The following ULK1 variants were observed in gnomAD, a reference collection of about 807,000 sequenced individuals.
ULK1 encodes serine/threonine-protein kinase ULK1.
Under a neutral mutation model 117.5 loss-of-function variants are expected in ULK1, and 48 were observed. That is an observed-to-expected ratio of 0.41 (90% CI 0.32 to 0.52). The LOEUF is 0.52. Ranked by LOEUF, ULK1 falls within the 20% of genes least tolerant of loss-of-function variation. ULK1 has a pLI of 0.29. For synonymous variants in ULK1, 790 were observed against 637.8 expected (o/e 1.24, Z -3.60); for missense variants, 1,387 against 1,473.4 (o/e 0.94, Z 0.96).
chr12:131,911,832 C>T, intron 12 of ULK1, 110 bp from the exon 13 acceptor site: 2 of 1,490,138 alleles, frequency 1.3e-6, no homozygotes, highest in Non-Finnish European at 1.8e-6. Context: ...TTCTCAGCCC[C>T]AGCGCCCCGA....
Position 131,919,575 on chromosome 12 carries a change from T to A in ULK1, c.2788T>A (p.Ser930Thr). Residue 930 changes from serine to threonine, a missense_variant, in exon 25 of 28, where the codon TCC becomes ACC. By Grantham distance (58) the Ser-to-Thr change is moderately conservative (BLOSUM62 1). Coordinates refer to ENST00000321867, the MANE Select transcript of ULK1 (RefSeq NM_003565.4). ...CCGGGCCGGCAAGCTCTGCCTGTCGTCCACTGTGAAGCAGGGTGAGGGCTG... is the reference window on the plus strand; with the variant it reads ...CCGGGCCGGCAAGCTCTGCCTGTCGACCACTGTGAAGCAGGGTGAGGGCTG... ...QIRAGKLCLS[S>T]TVKQVVRRLN... The A allele has an allele frequency of 6.2e-7, 1 of 1,611,932 alleles. No individual in the cohort carries two copies. The highest frequency in any genetic ancestry group is 8.5e-7 in the Non-Finnish European group (1 of 1,179,600).
intron 20 of ULK1, 135 bp downstream of exon 20, chr12:131,916,726 G>C: frequency 1.6e-6 from 2 of 1,240,606 alleles, no homozygotes. Flanking sequence ...CAGTGTGGCT[G>C]GGTGCCAGAG....
chr12:131,917,880 G>A (rs1344979171), intron 22 of ULK1, among the ~76,000 whole-genome samples: 7 of 152,232 alleles, frequency 4.6e-5, no homozygotes, highest in African/African-American at 7.2e-5. Flanking sequence ...GGGCTGTGCT[G>A]TGTTGGTCAG....
rs1337734777 is a variant in ULK1 at position 131,922,807 on chromosome 12, G to A, written c.*1446G>A. On this transcript the variant is annotated 3_prime_UTR_variant, in exon 28 of 28. Transcript: ENST00000321867. ...AATATTGCCACTGTGCTTGGACTTA[G>A]AAGAAGAAAATCCCCGTGACTTCTT... is the stretch of plus-strand genomic sequence containing the variant. The A allele has an allele frequency of 6.6e-6, 1 of 152,518 alleles. No individual in the cohort carries two copies. Among genetic ancestry groups the A allele is most frequent in the African/African-American group, 2.4e-5 (1 of 41,472 alleles). 9.4% of individuals were successfully genotyped at this position (152,518 alleles called of 1,614,324 possible).
At chr12:131,895,848 G>T (rs779067286) in intron 3 of ULK1, 24 bp downstream of exon 3, 1 of 1,613,712 alleles carries the variant, frequency 6.2e-7, no homozygotes, top group Admixed American at 1.7e-5. Context: ...GCTGCGGTCT[G>T]CTGGGGACCG....
chr12:131,915,123 G>C lies in ULK1; in HGVS notation c.1414G>C (p.Gly472Arg), dbSNP rs1165839456. The C allele has an allele frequency of 6.3e-7, 1 of 1,592,486 alleles. No individual in the cohort carries two copies. The highest frequency in any genetic ancestry group is 1.1e-5 in the South Asian group (1 of 88,320). ...IRRSGSTSPL[G>R]FARASPSPPA... ...CAGGTCAGGCAGCACCAGCCCCCTG[G>C]GCTTTGCAAGGGCCAGCCCCTCGCC... is the stretch of plus-strand genomic sequence containing the variant. The change falls in exon 17 of 28, where the codon GGC becomes CGC. Residue 472 changes from glycine to arginine, a missense_variant. This residue lies in a region of ULK1 where 900 missense variants were observed against 858.9 expected (regional missense o/e 1.05). Transcript: ENST00000321867.
chr12:131,918,778 CGGGTGTG>C (rs1889987927), intron 23 of ULK1, 97 bp downstream of exon 23: 1 of 260,730 alleles, frequency 3.8e-6, no homozygotes, highest in African/African-American at 6.5e-5. Context: ...TGTGGGGTGT[CGGGTGTG>C]GGGTGTCGGG....
At chr12:131,908,287 G>T (rs1203806805) in intron 5 of ULK1, among the ~76,000 whole-genome samples, 1 of 152,180 alleles carries the variant, frequency 6.6e-6, no homozygotes, top group African/African-American at 2.4e-5. Flanking sequence ...CTGCGGGTCG[G>T]GTCGGGCTGT....
chr12:131,909,795 G>C lies in ULK1; in HGVS notation c.687G>C (p.Leu229=). The change falls in exon 9 of 28, where the codon CTG becomes CTC. Residue 229 remains leucine, a synonymous_variant. Transcript: ENST00000321867. ...CGCAGGCCAGCAGCCCCCAGGACCTGCGCCTGTTCTACGAGAAGAACAAGA... is the reference window on the plus strand; with the variant it reads ...CGCAGGCCAGCAGCCCCCAGGACCTCCGCCTGTTCTACGAGAAGAACAAGA... The part of the protein sequence containing the change: ...APFQASSPQD[L]RLFYEKNKTL... 1 of 1,610,516 alleles carries C rather than the reference G, an allele frequency of 6.2e-7. No individual in the cohort carries two copies. The highest frequency in any genetic ancestry group is 1.3e-5 in the African/African-American group (1 of 74,902).
At chr12:131,901,692 G>A (rs913153882) in intron 3 of ULK1, among the ~76,000 whole-genome samples, 3 of 152,224 alleles carry the variant, frequency 2.0e-5, no homozygotes, top group Non-Finnish European at 2.9e-5. Context: ...TTGTTTGTGC[G>A]CAGCACCCCG....
chr12:131,916,839 G>C (rs910342678), intron 20 of ULK1, 114 bp from the exon 21 acceptor site: 11 of 1,073,560 alleles, frequency 1.0e-5, no homozygotes, highest in South Asian at 1.7e-5. Context: ...CCTGCCTCTC[G>C]AGGTGGGCCA....
chr12:131,910,835 C>A, intron 12 of ULK1, 35 bp downstream of exon 12: 1 of 1,610,848 alleles, frequency 6.2e-7, no homozygotes. Context: ...GCAGCTTCTC[C>A]CTCCACTCAG....
Position 131,919,711 on chromosome 12 carries a change from GCCC to G in ULK1, c.2803+123_2803+125del, listed in dbSNP as rs370403129. 4.0e-6 allele frequency: 5 copies of G among 1,241,142 alleles called. No homozygotes were observed. In the African/African-American group the frequency reaches 7.4e-5, roughly 18 times the overall value. 76.9% of individuals were successfully genotyped at this position (1,241,142 alleles called of 1,614,324 possible). ...TAGGCCCCTGTGCAGAGGTGCAGAG[GCCC>G]CGGGGCCTGGCCCAGTGTGCAGAGC... is the stretch of plus-strand genomic sequence containing the variant. On this transcript the variant is annotated intron_variant, in intron 25 of 27. Transcript: ENST00000321867.
Position 131,913,232 on chromosome 12 carries a change from C to T in ULK1, c.1131C>T (p.Pro377=). The T allele has an allele frequency of 6.3e-7, 1 of 1,591,694 alleles. No homozygotes were observed. The highest frequency in any genetic ancestry group is 8.5e-7 in the Non-Finnish European group (1 of 1,171,002). The change falls in exon 14 of 28, where the codon CCC becomes CCT. Residue 377 remains proline, a synonymous_variant. Coordinates refer to ENST00000321867, the MANE Select transcript of ULK1 (RefSeq NM_003565.4). ...TGGCTGAGGCGCCCAGTGCCAAACC[C>T]CCGCCAGACAGCCTGATGTGCAGTG... ...DLVAEAPSAK[P]PPDSLMCSGS... is the part of the protein sequence containing the mutation.
chr12:131,895,884 C>T (rs1409477691), intron 3 of ULK1, 60 bp downstream of exon 3: 1 of 1,600,216 alleles, frequency 6.2e-7, no homozygotes, highest in Non-Finnish European at 8.6e-7. Context: ...GCCCCAGGTG[C>T]TGGATCCCCT....
At chr12:131,919,129 A>C in intron 23 of ULK1, 83 bp from the exon 24 acceptor site, 1 of 1,460,594 alleles carries the variant, frequency 6.8e-7, no homozygotes, top group Non-Finnish European at 9.1e-7. Context: ...TGCCTCCCCA[A>C]GGCGTCATCG....
Position 131,908,080 on chromosome 12 carries a change from G to C in ULK1, c.316+549G>C, listed in dbSNP as rs1477897600. On this transcript the variant is annotated intron_variant, in intron 5 of 27. Coordinates refer to ENST00000321867, the MANE Select transcript of ULK1 (RefSeq NM_003565.4). ...CTCTGGGACAGTTCCGGGGACTTGGGCCTGAGCACCCGGGAGCCGGCAGGA... is the reference window on the plus strand; with the variant it reads ...CTCTGGGACAGTTCCGGGGACTTGGCCCTGAGCACCCGGGAGCCGGCAGGA... 1.3e-4 allele frequency among the ~76,000 whole-genome samples: 20 copies of C among 152,094 alleles called. 1 individual carries two copies.
chr12:131,921,285 C>T (rs747446725), intron 27 of ULK1, 21 bp from the exon 28 acceptor site: 3 of 1,608,104 alleles, frequency 1.9e-6, no homozygotes, highest in Non-Finnish European at 2.5e-6. Context: ...GTCTCCCTCA[C>T]ACTCCCCTCT....
Position 131,902,410 on chromosome 12 carries a change from C to T in ULK1, c.247-4482C>T, listed in dbSNP as rs949175860. Among the ~76,000 whole-genome samples, 2 of 152,080 alleles carry T rather than the reference C, an allele frequency of 1.3e-5. No homozygotes were observed. Among genetic ancestry groups the T allele is most frequent in the Non-Finnish European group, 2.9e-5 (2 of 67,996 alleles). On this transcript the variant is annotated intron_variant, in intron 3 of 27. Transcript: ENST00000321867. The surrounding 1 kb of genome is among the most constrained non-coding windows in gnomAD (Gnocchi z 6.3). ...CAGGGGTGGGGCAGCCTCCTACGTG[C>T]CCAGACACCCGTGCCAGGCTGCCTG...
Sources: gnomAD v4.1 joint callset for allele counts (sites outside exome capture counted in the v4.1 genomes callset) on GRCh38, gnomAD v4.1.1 for gene constraint, gnomAD v4.1.1 regional missense constraint, Gnocchi (gnomAD v3.1) non-coding constraint, MANE v1.5 for transcripts, NCBI Gene and HGNC (gene_info 2026-07-23, HGNC 2026-07-21) for gene names.